Variants in KLHL32 observed in about 807,000 individuals in gnomAD.
KLHL32 encodes the protein kelch like family member 32.
In KLHL32, 35 loss-of-function variants were observed where a neutral mutation model predicts 64.8. That is an observed-to-expected ratio of 0.54 (90% CI 0.41 to 0.72). The LOEUF is 0.72. Among genes scored for constraint, KLHL32 ranks in the 30% least tolerant of loss-of-function variants. The probability of loss-of-function intolerance (pLI) is 0.00; values close to 1 mark genes in which losing one functional copy is unlikely to be tolerated. For synonymous variants in KLHL32, 259 were observed against 281.0 expected (o/e 0.92, Z 0.78); for missense variants, 589 against 768.5 (o/e 0.77, Z 2.76).
At chr6:97,023,304 T>C (rs1782270814) in intron 3 of KLHL32, among the ~76,000 whole-genome samples, 1 of 152,196 alleles carries the variant, frequency 6.6e-6, no homozygotes, top group Non-Finnish European at 1.5e-5. Context: ...GGGTTTTGGA[T>C]CATATTTTTT....
the KLHL32 span, among the ~76,000 whole-genome samples, chr6:96,909,400 A>G: frequency 1.8e-3 from 269 of 152,292 alleles, 1 homozygote; most frequent in East Asian, 0.024. Context: ...TTTAGATTCA[A>G]CAATCTTGTG....
Position 96,942,657 on chromosome 6 carries a change from GT to G in KLHL32, c.-66+17632del, listed in dbSNP as rs1771445573. 3.9e-3 allele frequency among the ~76,000 whole-genome samples: 283 copies of G among 72,890 alleles called. 1 individual carries two copies. Among genetic ancestry groups the G allele is most frequent in the African/African-American group, 9.3e-3 (242 of 26,150 alleles). 47.8% of individuals were successfully genotyped at this position (72,890 alleles called of 152,430 possible). A position where few individuals can be genotyped will look rare whatever the true frequency, so the allele number is the denominator to read the frequency against. Reference sequence around the variant, plus strand: ...CAGTGACTTGCTACAGCTGTGGGGTGTGTGTGTGTGTGTGTGTGTGTGTGTG... The same window carrying G: ...CAGTGACTTGCTACAGCTGTGGGGTGGTGTGTGTGTGTGTGTGTGTGTGTG... On this transcript the variant is annotated intron_variant, in intron 1 of 10. Coordinates refer to ENST00000369261, the MANE Select transcript of KLHL32 (RefSeq NM_052904.4).
intron 1 of KLHL32, among the ~76,000 whole-genome samples, chr6:96,932,188 A>G (rs1475917033): frequency 6.7e-6 from 1 of 149,352 alleles, no homozygotes; most frequent in African/African-American, 2.5e-5. Context: ...CCTTGAGCTG[A>G]TAGAACTGAC....
intron 7 of KLHL32, among the ~76,000 whole-genome samples, chr6:97,125,629 G>T (rs1247115570): frequency 6.6e-6 from 1 of 152,154 alleles, no homozygotes; most frequent in Non-Finnish European, 1.5e-5. Flanking sequence ...TTTCTGAGTT[G>T]ACAATTTTGG....
intron 7 of KLHL32, among the ~76,000 whole-genome samples, chr6:97,115,855 T>A (rs1486032209): frequency 1.3e-5 from 2 of 152,240 alleles, no homozygotes; most frequent in East Asian, 3.8e-4. Context: ...CCCTGATGTT[T>A]GTACTTAGAA....
At chr6:96,980,080 T>C (rs1231604924) in intron 3 of KLHL32, among the ~76,000 whole-genome samples, 1 of 152,058 alleles carries the variant, frequency 6.6e-6, no homozygotes, top group African/African-American at 2.4e-5. Context: ...ATGTGGAGAG[T>C]TCTAAGTATG....
chr6:97,127,792 A>G (rs1450210220), intron 8 of KLHL32, among the ~76,000 whole-genome samples: 1 of 152,204 alleles, frequency 6.6e-6, no homozygotes, highest in Non-Finnish European at 1.5e-5. Flanking sequence ...GGTTTATTCT[A>G]AAAAACAAGT....
the KLHL32 span, among the ~76,000 whole-genome samples, chr6:96,902,735 T>C: frequency 6.6e-6 from 1 of 152,246 alleles, no homozygotes; most frequent in Non-Finnish European, 1.5e-5. Flanking sequence ...TACATTTCAG[T>C]CTGTAATCCA....
intron 1 of KLHL32, among the ~76,000 whole-genome samples, chr6:96,950,612 G>GTGAGTGAA (rs75753207): frequency 6.6e-6 from 1 of 151,900 alleles, no homozygotes; most frequent in East Asian, 1.9e-4. Context: ...AGTTGAGTGA[G>GTGAGTGAA]TGAGTGAATG....
chr6:97,078,043 C>T lies in KLHL32; in HGVS notation c.412-7083C>T, dbSNP rs58554380. Among the ~76,000 whole-genome samples the T allele has an allele frequency of 7.5e-3, 1,138 of 152,250 alleles. 16 individuals carry two copies. The highest frequency in any genetic ancestry group is 0.026 in the African/African-American group (1,099 of 41,540). ...CAGTGATAAAGAGCCTTATACTTAC[C>T]GTATCCTACTTGCTACTTGGTCCTT... On this transcript the variant is annotated intron_variant, in intron 5 of 10. Transcript: ENST00000369261.
At chr6:97,030,773 C>A (rs1240212286) in intron 3 of KLHL32, among the ~76,000 whole-genome samples, 2 of 152,102 alleles carry the variant, frequency 1.3e-5, no homozygotes, top group Admixed American at 6.5e-5. Flanking sequence ...TCTTTAGTTA[C>A]GATTTTACAT....
chr6:96,910,462 T>C, the KLHL32 span, among the ~76,000 whole-genome samples: 1 of 152,196 alleles, frequency 6.6e-6, no homozygotes, highest in South Asian at 2.1e-4. Context: ...TTGTGTTTAT[T>C]ATTTTTACAT....
intron 3 of KLHL32, among the ~76,000 whole-genome samples, chr6:96,978,534 C>A (rs1021590291): frequency 6.6e-6 from 1 of 152,104 alleles, no homozygotes; most frequent in African/African-American, 2.4e-5. Context: ...TTTCTTTATC[C>A]TGTCTACCAC....
chr6:97,093,157 G>A (rs558521012), intron 6 of KLHL32, among the ~76,000 whole-genome samples: 1 of 93,044 alleles, frequency 1.1e-5, no homozygotes, highest in East Asian at 3.0e-4. Context: ...CAGTAATATT[G>A]CTGCTAACCT....
At chr6:96,911,364 G>A in the KLHL32 span, among the ~76,000 whole-genome samples, 1 of 152,028 alleles carries the variant, frequency 6.6e-6, no homozygotes, top group South Asian at 2.1e-4. Context: ...CTTCCTGAGG[G>A]ACCTAGAACC....
At position 97,085,361 on chromosome 6, in the gene KLHL32, T is replaced by A. The variant is rs1793248718; in HGVS notation, c.627+20T>A. ...TGGCAGGTAAGGGCGCTGTGCACGG[T>A]CGCTTTTGGCACTGAAAAAGCATGC... On this transcript the variant is annotated intron_variant, in intron 6 of 10. Coordinates refer to ENST00000369261, the MANE Select transcript of KLHL32 (RefSeq NM_052904.4). The A allele has an allele frequency of 1.2e-6, 2 of 1,606,392 alleles. No individual in the cohort carries two copies. The highest frequency in any genetic ancestry group is 4.5e-5 in the East Asian group (2 of 44,792).
At chr6:97,065,290 C>T (rs1343505765) in intron 5 of KLHL32, among the ~76,000 whole-genome samples, 2 of 152,216 alleles carry the variant, frequency 1.3e-5, no homozygotes, top group Non-Finnish European at 2.9e-5. Context: ...ACACCAAGCA[C>T]TGACTGTGTG....
intron 6 of KLHL32, among the ~76,000 whole-genome samples, chr6:97,108,136 A>G (rs1167277266): frequency 1.3e-5 from 2 of 152,116 alleles, no homozygotes; most frequent in Non-Finnish European, 2.9e-5. Context: ...CTCTTTCGTA[A>G]TGTCCTCCTA....
intron 6 of KLHL32, among the ~76,000 whole-genome samples, chr6:97,096,071 T>C (rs1214748800): frequency 1.3e-5 from 2 of 152,136 alleles, no homozygotes; most frequent in Non-Finnish European, 2.9e-5. Context: ...AATTCAAGAC[T>C]GTTATTTTAT....
Sources: allele counts gnomAD v4.1 joint callset (sites outside exome capture counted in the v4.1 genomes callset), GRCh38; gene constraint gnomAD v4.1.1; transcripts MANE v1.5; gene names NCBI Gene and HGNC (gene_info 2026-07-23, HGNC 2026-07-21).